The following YES1 variants were observed in gnomAD, a reference collection of about 807,000 sequenced individuals.
YES1 encodes the protein tyrosine-protein kinase Yes.
YES1 carries 39 observed loss-of-function variants against 70.4 expected under a neutral mutation model. The observed-to-expected ratio is 0.55, with a 90% confidence interval of 0.43 to 0.72. The LOEUF is 0.72. YES1 is among the 30% of genes least tolerant of loss of function. The pLI is 0.00. For missense variants in YES1, 495 were observed against 644.8 expected, an observed-to-expected ratio of 0.77 and a Z score of 2.52; for synonymous variants, 198 against 218.6, an observed-to-expected ratio of 0.91 and a Z score of 0.83.
intron 1 of YES1, among the ~76,000 whole-genome samples, chr18:777,260 T>G (rs562011411): frequency 6.6e-6 from 1 of 152,322 alleles, no homozygotes; most frequent in South Asian, 2.1e-4. Flanking sequence ...TATTTAGCAC[T>G]AATTGTTTTA....
rs549164676 is a variant in YES1, at chr18:794,719, G to A, written c.-9+17395C>T. ...TTCTGATGGTAGCTGGCAATCCTTC[G>A]TGCTCCTGGCTTACAGGTGCATCCC... On this transcript the variant is annotated intron_variant, in intron 1 of 11. Transcript: ENST00000314574. 7.2e-5 allele frequency among the ~76,000 whole-genome samples: 11 copies of A among 152,250 alleles called. No individual in the cohort carries two copies. The East Asian group carries it at 7.7e-4, about 11-fold the overall frequency.
At chr18:774,230 C>T (rs1905275443) in intron 1 of YES1, among the ~76,000 whole-genome samples, 2 of 146,762 alleles carry the variant, frequency 1.4e-5, no homozygotes, top group Non-Finnish European at 3.0e-5. Flanking sequence ...ATCTCCCTGA[C>T]ATCTACACAC....
At chr18:770,798 G>A (rs1905118234) in intron 1 of YES1, among the ~76,000 whole-genome samples, 1 of 152,096 alleles carries the variant, frequency 6.6e-6, no homozygotes, top group East Asian at 1.9e-4. Flanking sequence ...GTTTTTGTGT[G>A]TTTGTGGAGG....
At chr18:767,929 G>A (rs1904987391) in intron 1 of YES1, among the ~76,000 whole-genome samples, 1 of 152,128 alleles carries the variant, frequency 6.6e-6, no homozygotes, top group Non-Finnish European at 1.5e-5. Context: ...TCAAACTCCT[G>A]ACCTCAAGTG....
At chr18:760,828 G>A (rs1035311361) in intron 1 of YES1, among the ~76,000 whole-genome samples, 2 of 152,168 alleles carry the variant, frequency 1.3e-5, no homozygotes, top group African/African-American at 4.8e-5. Context: ...AGAAGTTTAA[G>A]AGAAGCTAAA....
At chr18:757,540 G>T (rs558777544) in intron 1 of YES1, among the ~76,000 whole-genome samples, 7 of 150,534 alleles carry the variant, frequency 4.7e-5, no homozygotes, top group African/African-American at 1.7e-4. Flanking sequence ...TATCTGGGGG[G>T]CCAGGCGCAG....
chr18:770,271 T>C (rs939235140), intron 1 of YES1, among the ~76,000 whole-genome samples: 1 of 145,182 alleles, frequency 6.9e-6, no homozygotes, highest in East Asian at 2.0e-4. Context: ...CTTTTATCTT[T>C]TTTTTTTTTT....
chr18:777,239 C>T (rs966289319), intron 1 of YES1, among the ~76,000 whole-genome samples: 1 of 152,104 alleles, frequency 6.6e-6, no homozygotes, highest in Non-Finnish European at 1.5e-5. Context: ...CAAGGATCTT[C>T]TATTTCCTTC....
intron 2 of YES1, among the ~76,000 whole-genome samples, chr18:752,162 C>T (rs369895749): frequency 6.6e-6 from 1 of 152,210 alleles, no homozygotes; most frequent in East Asian, 1.9e-4. Flanking sequence ...GGCTGGAGTG[C>T]AGTGGTGTGA....
At chr18:781,818 T>C (rs1422836263) in intron 1 of YES1, among the ~76,000 whole-genome samples, 1 of 152,190 alleles carries the variant, frequency 6.6e-6, no homozygotes, top group African/African-American at 2.4e-5. Flanking sequence ...AATTAACTGA[T>C]ATCATATGCA....
At chr18:728,905 CATG>C (rs2080053151) in intron 11 of YES1, among the ~76,000 whole-genome samples, 1 of 152,140 alleles carries the variant, frequency 6.6e-6, no homozygotes, top group South Asian at 2.1e-4. Flanking sequence ...GTAATTTGAC[CATG>C]ATATGTTTGC....
intron 8 of YES1, among the ~76,000 whole-genome samples, chr18:741,168 G>A (rs1479440045): frequency 6.6e-6 from 1 of 152,130 alleles, no homozygotes; most frequent in Non-Finnish European, 1.5e-5. Context: ...AAAGCGCTGG[G>A]ATTGGAGGCA....
chr18:790,380 G>T (rs2145815106), intron 1 of YES1, among the ~76,000 whole-genome samples: 1 of 152,334 alleles, frequency 6.6e-6, no homozygotes, highest in East Asian at 1.9e-4. Flanking sequence ...CCGTCTCAGA[G>T]CTGGCGGGGG....
chr18:757,291 C>T (rs1383625451), intron 1 of YES1, among the ~76,000 whole-genome samples: 2 of 151,284 alleles, frequency 1.3e-5, no homozygotes, highest in African/African-American at 2.4e-5. Context: ...ATCACGAGGT[C>T]AGGAGATTGA....
chr18:775,035 CAA>C (rs1378970147), intron 1 of YES1: 1 of 152,210 alleles, frequency 6.6e-6, no homozygotes, highest in Non-Finnish European at 1.5e-5. Flanking sequence ...TGTCTGGGTG[CAA>C]AGTCTGAGTC....
chr18:764,607 T>C (rs1287431620), intron 1 of YES1, among the ~76,000 whole-genome samples: 1 of 152,204 alleles, frequency 6.6e-6, no homozygotes, highest in Non-Finnish European at 1.5e-5. Flanking sequence ...CAGTTTCAGA[T>C]GGTTCGTTTT....
At chr18:793,001 TAGAA>T (rs1287774017) in intron 1 of YES1, among the ~76,000 whole-genome samples, 6 of 151,300 alleles carry the variant, frequency 4.0e-5, no homozygotes, top group African/African-American at 1.2e-4. Flanking sequence ...TGGCAAACAA[TAGAA>T]AGAGTCTTAA....
intron 1 of YES1, among the ~76,000 whole-genome samples, chr18:763,512 T>C (rs999554497): frequency 6.6e-6 from 1 of 151,722 alleles, no homozygotes; most frequent in African/African-American, 2.4e-5. Context: ...CTGGGCGTCA[T>C]GGCAGAACCC....
At chr18:774,935 C>A (rs1216559549) in intron 1 of YES1, 2 of 152,408 alleles carry the variant, frequency 1.3e-5, no homozygotes, top group Non-Finnish European at 2.9e-5. Context: ...CTACACTGGC[C>A]TTCCTGCTCT....
Sources: allele counts gnomAD v4.1 joint callset (sites outside exome capture counted in the v4.1 genomes callset), GRCh38; gene constraint gnomAD v4.1.1; transcripts MANE v1.5; gene names NCBI Gene and HGNC (gene_info 2026-07-23, HGNC 2026-07-21).